The following SAXO1 variants were observed in gnomAD, a reference collection of about 807,000 sequenced individuals.
SAXO1 encodes the protein 4930500O09Rik.
A neutral mutation model predicts 17.5 loss-of-function variants in SAXO1; 21 were observed. That is an observed-to-expected ratio of 1.20 (90% confidence interval 0.85 to 1.72). The LOEUF (loss-of-function observed/expected upper bound fraction) is 1.72. Ranked by LOEUF, SAXO1 falls within the 40% of genes most tolerant of loss-of-function variation. The pLI is 0.00. For synonymous variants in SAXO1, 274 were observed against 216.5 expected (o/e 1.27, Z -2.33); for missense variants, 843 against 596.0 (o/e 1.41, Z -4.32).
chr9:18,962,516 G>T (rs1236372712), intron 1 of SAXO1, among the ~76,000 whole-genome samples: 1 of 152,144 alleles, frequency 6.6e-6, no homozygotes, highest in African/African-American at 2.4e-5. Context: ...TTCCTTGTAG[G>T]TTCTGGGTAT....
At chr9:18,979,463 T>G (rs1327198109) in intron 1 of SAXO1, among the ~76,000 whole-genome samples, 1 of 152,138 alleles carries the variant, frequency 6.6e-6, no homozygotes, top group Non-Finnish European at 1.5e-5. Flanking sequence ...GGGGTATCTG[T>G]GCAAAGAGAA....
At chr9:18,950,058 G>A (rs1831967283) in intron 2 of SAXO1, among the ~76,000 whole-genome samples, 1 of 151,528 alleles carries the variant, frequency 6.6e-6, no homozygotes, top group Admixed American at 6.6e-5. Flanking sequence ...GTTGTCCATG[G>A]CAGATTCTGC....
chr9:18,952,938 T>G (rs1188186726), intron 1 of SAXO1, among the ~76,000 whole-genome samples: 1 of 152,210 alleles, frequency 6.6e-6, no homozygotes, highest in African/African-American at 2.4e-5. Context: ...TTCTGCACAT[T>G]CAAGAGACAA....
intron 1 of SAXO1, among the ~76,000 whole-genome samples, chr9:18,982,481 A>T (rs6475299): frequency 6.6e-6 from 1 of 151,788 alleles, no homozygotes; most frequent in Non-Finnish European, 1.5e-5. Flanking sequence ...CACACAAAAC[A>T]AAAGGACCCG....
chr9:18,941,968 C>G (rs956753683), intron 2 of SAXO1, 129 bp from the exon 3 acceptor site: 1 of 808,924 alleles, frequency 1.2e-6, no homozygotes, highest in Admixed American at 2.3e-5. Flanking sequence ...CCCTCCTCCC[C>G]CGAACTGTTT....
intron 1 of SAXO1, among the ~76,000 whole-genome samples, chr9:19,022,574 T>G (rs1044613798): frequency 6.6e-6 from 1 of 152,198 alleles, no homozygotes; most frequent in Non-Finnish European, 1.5e-5. Context: ...AAAGAGAAAT[T>G]GGACCATTAT....
At chr9:18,948,801 G>C (rs1462197272) in intron 2 of SAXO1, among the ~76,000 whole-genome samples, 2 of 152,116 alleles carry the variant, frequency 1.3e-5, no homozygotes, top group Non-Finnish European at 2.9e-5. Flanking sequence ...TATACTTTCA[G>C]GATAGGAAAT....
chr9:18,965,479 G>A (rs1333846983), intron 1 of SAXO1, among the ~76,000 whole-genome samples: 1 of 152,114 alleles, frequency 6.6e-6, no homozygotes. Context: ...TCTTCTTGTT[G>A]CATTGATCCC....
chr9:18,930,882 T>C (rs4977469), intron 3 of SAXO1, among the ~76,000 whole-genome samples: 2 of 152,052 alleles, frequency 1.3e-5, no homozygotes, highest in Admixed American at 1.3e-4. Flanking sequence ...CAGATTTAAA[T>C]TAGCCCTAGT....
intron 1 of SAXO1, among the ~76,000 whole-genome samples, chr9:19,047,814 A>T (rs180844673): frequency 6.6e-6 from 1 of 151,268 alleles, no homozygotes; most frequent in Non-Finnish European, 1.5e-5. Context: ...TTTTATCTGG[A>T]AACTATTGGA....
chr9:18,963,463 T>C (rs1832577427), intron 1 of SAXO1, among the ~76,000 whole-genome samples: 2 of 152,206 alleles, frequency 1.3e-5, no homozygotes, highest in Non-Finnish European at 2.9e-5. Context: ...ACTTGTTGTG[T>C]CCTCTATTTC....
Position 19,031,182 on chromosome 9 carries a change from G to A in SAXO1, c.38+1689C>T, listed in dbSNP as rs115452416. Among the ~76,000 whole-genome samples the A allele has an allele frequency of 2.9e-3, 442 of 152,360 alleles. 1 individual carries two copies. The highest frequency in any genetic ancestry group is 9.9e-3 in the African/African-American group (410 of 41,596). ...TTCTGCCTTCCTACCTAGACTGCAC[G>A]CTGTGCAAAGATGGAGACTATGTCT... On this transcript the variant is annotated intron_variant, in intron 1 of 3. Coordinates refer to ENST00000380534, the MANE Select transcript of SAXO1 (RefSeq NM_153707.4).
chr9:18,989,630 T>G (rs549149536), intron 1 of SAXO1, among the ~76,000 whole-genome samples: 1 of 151,374 alleles, frequency 6.6e-6, no homozygotes, highest in Non-Finnish European at 1.5e-5. Context: ...TTCAGGCTTT[T>G]AAAAAAAAAT....
At chr9:18,993,157 G>A (rs898376437) in intron 1 of SAXO1, among the ~76,000 whole-genome samples, 1 of 151,554 alleles carries the variant, frequency 6.6e-6, no homozygotes, top group African/African-American at 2.4e-5. Flanking sequence ...GAGTGTACAG[G>A]TATGTTACAT....
At chr9:19,024,434 GA>G (rs1835385477) in intron 1 of SAXO1, among the ~76,000 whole-genome samples, 1 of 151,030 alleles carries the variant, frequency 6.6e-6, no homozygotes, top group Non-Finnish European at 1.5e-5. Context: ...ACACACCGGG[GA>G]CAGTTGTGGG....
upstream of SAXO1, among the ~76,000 whole-genome samples, chr9:19,035,790 C>T (rs998605801): frequency 1.5e-4 from 23 of 152,080 alleles, no homozygotes; most frequent in Non-Finnish European, 2.5e-4. Flanking sequence ...TGGCATTTTG[C>T]CCTGTCCTAG....
chr9:19,000,246 G>A (rs1351262237), intron 1 of SAXO1, among the ~76,000 whole-genome samples: 7 of 144,032 alleles, frequency 4.9e-5, no homozygotes, highest in Non-Finnish European at 1.5e-5. Flanking sequence ...GCCTCTGCCC[G>A]GCCACCCAAC....
At chr9:19,023,358 A>T (rs1835329412) in intron 1 of SAXO1, among the ~76,000 whole-genome samples, 1 of 151,948 alleles carries the variant, frequency 6.6e-6, no homozygotes, top group South Asian at 2.1e-4. Flanking sequence ...ACATCTACCT[A>T]TGCCTTACTG....
chr9:19,041,159 C>G (rs10963926), intron 1 of SAXO1, among the ~76,000 whole-genome samples: 2 of 94,856 alleles, frequency 2.1e-5, no homozygotes, highest in African/African-American at 1.2e-4. Flanking sequence ...AGTGAACAAT[C>G]TGAAAAAAAA....
Sources: gnomAD v4.1 joint callset for allele counts (sites outside exome capture counted in the v4.1 genomes callset) on GRCh38, gnomAD v4.1.1 for gene constraint, MANE v1.5 for transcripts, NCBI Gene and HGNC (gene_info 2026-07-23, HGNC 2026-07-21) for gene names.